Variants in SPATA13 observed in about 807,000 individuals in gnomAD.
The protein encoded by SPATA13 is spermatogenesis associated 13, also known as spermatogenesis-associated protein 13.
Under a neutral mutation model 104.0 loss-of-function variants are expected in SPATA13, and 50 were observed. That is an observed-to-expected ratio of 0.48 (90% CI 0.38 to 0.61). SPATA13 has a LOEUF of 0.61. Among genes scored for constraint, SPATA13 ranks in the 20% least tolerant of loss-of-function variants. The probability of loss-of-function intolerance (pLI) is 0.00; values close to 1 mark genes in which losing one functional copy is unlikely to be tolerated. For synonymous variants in SPATA13, 606 were observed against 667.5 expected (o/e 0.91, Z 1.42); for missense variants, 1,524 against 1,690.6 (o/e 0.90, Z 1.73).
intron 4 of SPATA13, among the ~76,000 whole-genome samples, chr13:24,255,796 G>A (rs567733297): frequency 1.6e-4 from 24 of 152,138 alleles, no homozygotes; most frequent in Non-Finnish European, 2.8e-4. Flanking sequence ...ATATACCAAC[G>A]AAGTGCTAGA....
At chr13:24,018,507 C>T (rs569771962) in intron 3 of SPATA13, among the ~76,000 whole-genome samples, 6 of 152,268 alleles carry the variant, frequency 3.9e-5, no homozygotes, top group Admixed American at 6.5e-5. Context: ...AAATCTTTAA[C>T]GAGCTAGACA....
rs17080462 is a variant in SPATA13, at chr13:24,224,195, C to T, written c.1266C>T (p.Ser422=). 0.012 allele frequency: 18,037 copies of T among 1,551,700 alleles called. 1,700 individuals are homozygous for T. The African/African-American group carries it at 0.21, about 18-fold the overall frequency. Residue 422 remains serine, a synonymous_variant, in exon 2 of 13, where the codon AGC becomes AGT. Coordinates refer to ENST00000382108, the MANE Select transcript of SPATA13 (RefSeq NM_001166271.3). ...LETKSSWAVE[S]DSSCTCSSLP... ...CCAAAAGTTCCTGGGCGGTGGAAAG[C>T]GACAGTTCCTGCACTTGCAGCTCTT...
intron 3 of SPATA13, among the ~76,000 whole-genome samples, chr13:24,073,927 T>G (rs1254191406): frequency 6.6e-6 from 1 of 152,224 alleles, no homozygotes; most frequent in Non-Finnish European, 1.5e-5. Context: ...TGTGCAGCCT[T>G]GCACACCACA....
In SPATA13 at chr13:24,282,760, T is replaced by C. The variant is rs565826345; in HGVS notation, c.2165-1375T>C. 7.9e-5 allele frequency among the ~76,000 whole-genome samples: 12 copies of C among 152,346 alleles called. No homozygotes were observed. The South Asian group carries it at 2.5e-3, about 32-fold the overall frequency. On this transcript the variant is annotated intron_variant, in intron 4 of 12. Coordinates refer to ENST00000382108, the MANE Select transcript of SPATA13 (RefSeq NM_001166271.3). ...GCACTCTCTGTGGAGTTCCAGCTAC[T>C]TGTCAAGGATGCTAAAAGTTTCACC... is the stretch of plus-strand genomic sequence containing the variant.
chr13:24,000,737 G>A (rs1414781257), intron 2 of SPATA13, among the ~76,000 whole-genome samples: 3 of 152,052 alleles, frequency 2.0e-5, no homozygotes, highest in African/African-American at 7.2e-5. Context: ...AGAGCTCTGG[G>A]TCAGAGGCAT....
At chr13:24,039,534 T>C (rs529223589) in intron 3 of SPATA13, among the ~76,000 whole-genome samples, 1 of 152,344 alleles carries the variant, frequency 6.6e-6, no homozygotes, top group African/African-American at 2.4e-5. Flanking sequence ...TTAGGTTTCT[T>C]TTATTATCAA....
chr13:24,297,618 G>A lies in SPATA13; in HGVS notation c.3466G>A (p.Val1156Ile), dbSNP rs199770674. Residue 1156 changes from valine (V) to isoleucine (I), a missense_variant, in exon 11 of 13, where the codon GTC becomes ATC. By Grantham distance (29) the Val-to-Ile change is conservative (BLOSUM62 3). Around this residue, in one of 2 missense-constraint regions of SPATA13, gnomAD observed 435 missense variants for 554.8 expected, o/e 0.78. Transcript: ENST00000382108. ...NLSVKNAFKL[V>I]SRTTDEVYLF... ...CAGCGTGAAAAATGCCTTCAAGCTC[G>A]TCAGTAGGACCACAGACGAGGTTTA... is the stretch of plus-strand genomic sequence containing the variant. 1.6e-5 allele frequency: 26 copies of A among 1,614,242 alleles called. No individual in the cohort carries two copies. Among genetic ancestry groups the A allele is most frequent in the African/African-American group, 9.3e-5 (7 of 75,060 alleles).
chr13:24,189,302 T>C (rs1185063717), intron 1 of SPATA13, among the ~76,000 whole-genome samples: 1 of 151,638 alleles, frequency 6.6e-6, no homozygotes, highest in Non-Finnish European at 1.5e-5. Flanking sequence ...AAACCCCGTC[T>C]CTACTAGAAA....
rs957171699 is a variant in SPATA13 at position 24,118,917 on chromosome 13, T to C, written c.-112+101216T>C. ...TACATTTTTCTTTTCTTTTCTTTTT[T>C]TTTTTTGAGATGGAGTCTTGTTCTG... On this transcript the variant is annotated intron_variant, in intron 3 of 14. Coordinates refer to the SPATA13 transcript ENST00000424834. Among the ~76,000 whole-genome samples, 66 of 152,208 alleles carry C rather than the reference T, an allele frequency of 4.3e-4. No individual in the cohort carries two copies. In the East Asian group the frequency reaches 9.8e-3, roughly 23 times the overall value.
intron 1 of SPATA13, among the ~76,000 whole-genome samples, chr13:24,200,068 C>T (rs2138569047): frequency 6.6e-6 from 1 of 152,288 alleles, no homozygotes; most frequent in South Asian, 2.1e-4. Flanking sequence ...GGTCAGTGAT[C>T]AACAAATGAG....
chr13:24,101,773 T>C (rs1038876323), intron 3 of SPATA13, among the ~76,000 whole-genome samples: 1 of 152,236 alleles, frequency 6.6e-6, no homozygotes. Context: ...TAGCTTAATG[T>C]CCTCAAATGT....
chr13:24,203,255 T>C (rs2138575299), intron 1 of SPATA13, among the ~76,000 whole-genome samples: 1 of 152,074 alleles, frequency 6.6e-6, no homozygotes, highest in South Asian at 2.1e-4. Flanking sequence ...TGTAAAAGTA[T>C]AAAGAACCAT....
intron 3 of SPATA13, among the ~76,000 whole-genome samples, chr13:24,149,744 A>G (rs565581972): frequency 2.1e-4 from 32 of 152,298 alleles, no homozygotes; most frequent in African/African-American, 6.7e-4. Flanking sequence ...GCTTGTACAA[A>G]GGCCCTGCGG....
chr13:24,197,596 GA>G (rs1358222774), intron 1 of SPATA13, among the ~76,000 whole-genome samples: 1 of 152,030 alleles, frequency 6.6e-6, no homozygotes, highest in African/African-American at 2.4e-5. Flanking sequence ...TCTCTAATGA[GA>G]AAAAAAGAAA....
At chr13:24,195,280 T>G (rs9507271) in intron 1 of SPATA13, among the ~76,000 whole-genome samples, 65,073 of 152,082 alleles carry the variant, frequency 0.43, 16,103 homozygotes, top group Non-Finnish European at 0.56. Flanking sequence ...GCATAGCATG[T>G]GTCAGTACTT....
chr13:24,000,529 G>A (rs371576791), intron 2 of SPATA13, among the ~76,000 whole-genome samples: 3 of 152,166 alleles, frequency 2.0e-5, no homozygotes, highest in Admixed American at 1.3e-4. Context: ...CTAGGGGGAA[G>A]ACAGGCCACA....
intron 4 of SPATA13, among the ~76,000 whole-genome samples, chr13:24,266,309 A>T (rs531930775): frequency 1.3e-5 from 2 of 152,188 alleles, no homozygotes; most frequent in African/African-American, 4.8e-5. Context: ...TATAGAGATA[A>T]TGTCTTGCTC....
chr13:24,216,677 G>A (rs1030672998), intron 1 of SPATA13, among the ~76,000 whole-genome samples: 1 of 152,206 alleles, frequency 6.6e-6, no homozygotes, highest in African/African-American at 2.4e-5. Context: ...CTAGGAAGAG[G>A]AAGGACGGTG....
At chr13:24,207,355 G>A (rs926827852) in intron 1 of SPATA13, among the ~76,000 whole-genome samples, 3 of 152,132 alleles carry the variant, frequency 2.0e-5, no homozygotes, top group Non-Finnish European at 2.9e-5. Flanking sequence ...TGCACATCCC[G>A]CACATGTACC....
Sources: allele counts gnomAD v4.1 joint callset (sites outside exome capture counted in the v4.1 genomes callset), GRCh38; gene constraint gnomAD v4.1.1; regional missense constraint gnomAD v4.1.1; transcripts MANE v1.5; gene names NCBI Gene and HGNC (gene_info 2026-07-23, HGNC 2026-07-21).